SMIM8: variants seen among roughly 807,000 people sequenced by gnomAD.
SMIM8 encodes UPF0708 protein C6orf162.
A neutral mutation model predicts 8.1 loss-of-function variants in SMIM8; 8 were observed. The observed-to-expected ratio is 0.99, with a 90% confidence interval of 0.58 to 1.78. The LOEUF (loss-of-function observed/expected upper bound fraction) is 1.78. SMIM8 is among the 40% of genes most tolerant of loss of function. The probability of loss-of-function intolerance (pLI) is 0.00; values close to 1 mark genes in which losing one functional copy is unlikely to be tolerated. For synonymous variants in SMIM8, 45 were observed against 39.7 expected, an observed-to-expected ratio of 1.13 and a Z score of -0.50; for missense variants, 126 against 119.8, an observed-to-expected ratio of 1.05 and a Z score of -0.24.
chr6:87,339,413 CGTGTGTGTGTGTGTGTGTGTGTTT>C (rs1325777452), intron 3 of SMIM8, among the ~76,000 whole-genome samples: 19 of 88,454 alleles, frequency 2.1e-4, no homozygotes, highest in Non-Finnish European at 3.3e-4. Context: ...CAAAACACAG[CGTGTGTGTGTGTGTGTGTGTGTTT>C]GTGTGTGTGT....
chr6:87,330,777 C>T (rs920410817), intron 2 of SMIM8, 65 bp downstream of exon 2: 1 of 151,666 alleles, frequency 6.6e-6, no homozygotes, highest in Non-Finnish European at 1.5e-5. Context: ...ACCTTTTTTA[C>T]AGGCACCTGT....
chr6:87,333,348 C>T (rs1313380297), intron 2 of SMIM8, among the ~76,000 whole-genome samples: 3 of 152,190 alleles, frequency 2.0e-5, no homozygotes, highest in African/African-American at 4.8e-5. Flanking sequence ...GCCTCACCTC[C>T]GACATTGGAG....
At chr6:87,334,123 A>G (rs143849889) in intron 2 of SMIM8, among the ~76,000 whole-genome samples, 139 of 152,334 alleles carry the variant, frequency 9.1e-4, no homozygotes, top group African/African-American at 3.0e-3. Context: ...GCTCATTACT[A>G]CAAGGATGGC....
Position 87,341,519 on chromosome 6 carries a change from G to C in SMIM8, c.*1245G>C, listed in dbSNP as rs925725575. Reference sequence around the variant, plus strand: ...TATATACCTAATTCTCCAAATCATTGTCATTGGGCCTCAGTAGTAAATCTT... The same window carrying C: ...TATATACCTAATTCTCCAAATCATTCTCATTGGGCCTCAGTAGTAAATCTT... On this transcript the variant is annotated 3_prime_UTR_variant, in exon 4 of 4. Coordinates refer to ENST00000392863, the MANE Select transcript of SMIM8 (RefSeq NM_001042493.3). 16 of 379,980 alleles carry C rather than the reference G, an allele frequency of 4.2e-5. No individual in the cohort carries two copies. In the Admixed American group the frequency reaches 5.0e-4, roughly 12 times the overall value. 23.5% of individuals were successfully genotyped at this position (379,980 alleles called of 1,614,324 possible).
In SMIM8 at chr6:87,340,138, G is replaced by A; in HGVS notation, c.158G>A (p.Gly53Glu). Reference protein sequence around the residue: ...IKPNKPVMAFGLVTLSLCVAY... With the variant: ...IKPNKPVMAFELVTLSLCVAY... Reference sequence around the variant, plus strand: ...CAGAACAAACCTGTAATGGCTTTCGGATTGGTAACTCTTTCACTTTGCGTG... The same window carrying A: ...CAGAACAAACCTGTAATGGCTTTCGAATTGGTAACTCTTTCACTTTGCGTG... Residue 53 changes from glycine to glutamate, a missense_variant, in exon 4 of 4, where the codon GGA (glycine) becomes GAA (glutamate). Gly to Glu is a moderately conservative substitution (Grantham distance 98). Coordinates refer to ENST00000392863, the MANE Select transcript of SMIM8 (RefSeq NM_001042493.3). The A allele has an allele frequency of 1.3e-6, 2 of 1,586,566 alleles. No homozygotes were observed. Among genetic ancestry groups the A allele is most frequent in the Non-Finnish European group, 1.7e-6 (2 of 1,170,318 alleles).
chr6:87,327,342 A>G (rs28750703), intron 1 of SMIM8, among the ~76,000 whole-genome samples: 94,981 of 151,372 alleles, frequency 0.63, 30,257 homozygotes, highest in African/African-American at 0.71. Context: ...GTTAGTTGAT[A>G]CAGTTTCTTC....
At chr6:87,327,417 G>A (rs1253407352) in intron 1 of SMIM8, among the ~76,000 whole-genome samples, 2 of 152,118 alleles carry the variant, frequency 1.3e-5, no homozygotes, top group African/African-American at 4.8e-5. Context: ...CATGTTTAGT[G>A]CTTCCTTCAG....
rs1371710643 is a variant in SMIM8 at position 87,340,351 on chromosome 6, A to T, written c.*77A>T. On this transcript the variant is annotated 3_prime_UTR_variant, in exon 4 of 4. Coordinates refer to ENST00000392863, the MANE Select transcript of SMIM8 (RefSeq NM_001042493.3). ...ATGAAAGACCTTGTGAGTGTACAGTATCATGTTTCTTGTTCTAGAACATGC... is the reference window on the plus strand; with the variant it reads ...ATGAAAGACCTTGTGAGTGTACAGTTTCATGTTTCTTGTTCTAGAACATGC... 1 of 1,334,662 alleles carries T rather than the reference A, an allele frequency of 7.5e-7. No individual in the cohort carries two copies. Among genetic ancestry groups the T allele is most frequent in the Non-Finnish European group, 9.8e-7 (1 of 1,023,248 alleles). 82.7% of individuals were successfully genotyped at this position (1,334,662 alleles called of 1,614,324 possible).
intron 1 of SMIM8, among the ~76,000 whole-genome samples, chr6:87,330,424 T>C (rs982017028): frequency 4.6e-5 from 7 of 152,208 alleles, no homozygotes; most frequent in African/African-American, 1.7e-4. Context: ...TAGTCTAATT[T>C]GCATGTACAA....
chr6:87,324,050 G>C (rs12208198), intron 1 of SMIM8, among the ~76,000 whole-genome samples: 1 of 148,444 alleles, frequency 6.7e-6, no homozygotes, highest in Non-Finnish European at 1.5e-5. Flanking sequence ...TTTCATGTGT[G>C]TTTTGGCTGC....
At position 87,340,910 on chromosome 6, in the gene SMIM8, A is replaced by C. The variant is rs929514484; in HGVS notation, c.*636A>C. 7 of 161,952 alleles carry C rather than the reference A, an allele frequency of 4.3e-5. No individual in the cohort carries two copies. Among genetic ancestry groups the C allele is most frequent in the Non-Finnish European group, 9.2e-5 (7 of 75,888 alleles). 10.0% of individuals were successfully genotyped at this position (161,952 alleles called of 1,614,324 possible). ...CTCAGCTACTAAAATAAGGATTAAG[A>C]ATATCCCAGAGTAATTGGAGTTTTT... On this transcript the variant is annotated 3_prime_UTR_variant, in exon 4 of 4. Transcript: ENST00000392863.
Position 87,326,057 on chromosome 6 carries a change from G to A in SMIM8, c.-45+3425G>A, listed in dbSNP as rs149227743. On this transcript the variant is annotated intron_variant, in intron 1 of 3. Transcript: ENST00000392863. ...AGATTTTCTAGTTTATTTGCATAGAGCTGTTTGTAGTATTCTCTGATGGTA... is the reference window on the plus strand; with the variant it reads ...AGATTTTCTAGTTTATTTGCATAGAACTGTTTGTAGTATTCTCTGATGGTA... Among the ~76,000 whole-genome samples, 553 of 152,322 alleles carry A rather than the reference G, an allele frequency of 3.6e-3. 2 individuals are homozygous for A. The highest frequency in any genetic ancestry group is 0.013 in the African/African-American group (533 of 41,570).
At chr6:87,336,604 T>C (rs1777117892) in intron 2 of SMIM8, among the ~76,000 whole-genome samples, 1 of 151,970 alleles carries the variant, frequency 6.6e-6, no homozygotes. Flanking sequence ...TTCTCTCAGG[T>C]TGGTGTTATG....
chr6:87,337,456 G>A (rs1480038050), intron 3 of SMIM8, among the ~76,000 whole-genome samples: 1 of 152,130 alleles, frequency 6.6e-6, no homozygotes, highest in Non-Finnish European at 1.5e-5. Flanking sequence ...GCATTAATTT[G>A]AAGACAACTT....
At chr6:87,332,085 A>G (rs2325046) in intron 2 of SMIM8, among the ~76,000 whole-genome samples, 35,831 of 151,872 alleles carry the variant, frequency 0.24, 4,943 homozygotes, top group South Asian at 0.37. Flanking sequence ...ATTATAAAGG[A>G]AATATAGGTT....
At chr6:87,335,193 CCT>C (rs1374905457) in intron 2 of SMIM8, among the ~76,000 whole-genome samples, 1 of 152,098 alleles carries the variant, frequency 6.6e-6, no homozygotes, top group East Asian at 1.9e-4. Flanking sequence ...TGTGGAATCC[CCT>C]GAGGTCCTCC....
chr6:87,336,136 C>T (rs1777109952), intron 2 of SMIM8, among the ~76,000 whole-genome samples: 1 of 152,118 alleles, frequency 6.6e-6, no homozygotes, highest in African/African-American at 2.4e-5. Context: ...GCAGCATTTC[C>T]CCCAAATAAT....
At position 87,333,957 on chromosome 6, in the gene SMIM8, A is replaced by C. The variant is rs190626915; in HGVS notation, c.-23-3052A>C. Reference sequence around the variant, plus strand: ...GCTGTACAGGAAGCATGGTGCCAGCATCTGCCCCTGGTGAGGGCTTCAGGA... The same window carrying C: ...GCTGTACAGGAAGCATGGTGCCAGCCTCTGCCCCTGGTGAGGGCTTCAGGA... On this transcript the variant is annotated intron_variant, in intron 2 of 3. Coordinates refer to ENST00000392863, the MANE Select transcript of SMIM8 (RefSeq NM_001042493.3). Among the ~76,000 whole-genome samples the C allele has an allele frequency of 9.3e-4, 141 of 152,328 alleles. 2 individuals carry two copies. Among genetic ancestry groups the C allele is most frequent in the Non-Finnish European group, 1.6e-3 (110 of 68,020 alleles).
rs183929933 is a variant in SMIM8, at chr6:87,330,336, A to G, written c.-44-356A>G. Among the ~76,000 whole-genome samples the G allele has an allele frequency of 2.8e-3, 432 of 152,254 alleles. 7 individuals carry two copies. Among genetic ancestry groups the G allele is most frequent in the South Asian group, 0.026 (123 of 4,822 alleles). On this transcript the variant is annotated intron_variant, in intron 1 of 3. Transcript: ENST00000392863. ...TTCTGGTCATTTTGTTTTGTCTTCTATTGAGGTGCTTATTTCTAAAATGTA... is the reference window on the plus strand; with the variant it reads ...TTCTGGTCATTTTGTTTTGTCTTCTGTTGAGGTGCTTATTTCTAAAATGTA...
Sources: allele counts gnomAD v4.1 joint callset (sites outside exome capture counted in the v4.1 genomes callset), GRCh38; gene constraint gnomAD v4.1.1; transcripts MANE v1.5; gene names NCBI Gene and HGNC (gene_info 2026-07-23, HGNC 2026-07-21).